Variants in SNTG1 observed in about 807,000 individuals in gnomAD.
SNTG1 encodes syntrophin gamma 1, also known as gamma-1-syntrophin.
In SNTG1, 39 loss-of-function variants were observed where a neutral mutation model predicts 74.7. The ratio of observed to expected loss-of-function variants is 0.52; its 90% confidence interval spans 0.40 to 0.68. The LOEUF is 0.68. Among genes scored for constraint, SNTG1 ranks in the 30% least tolerant of loss-of-function variants. SNTG1 has a pLI of 0.00. For synonymous variants in SNTG1, 254 were observed against 217.1 expected, an observed-to-expected ratio of 1.17 and a Z score of -1.49; for missense variants, 685 against 609.5, an observed-to-expected ratio of 1.12 and a Z score of -1.30.
intron 2 of SNTG1, among the ~76,000 whole-genome samples, chr8:50,368,703 G>C (rs1243144500): frequency 6.6e-6 from 1 of 152,066 alleles, no homozygotes; most frequent in African/African-American, 2.4e-5. Flanking sequence ...AGAATCCATA[G>C]AGCTGTTAAC....
intron 1 of SNTG1, among the ~76,000 whole-genome samples, chr8:49,957,485 G>C (rs1265125287): frequency 6.6e-6 from 1 of 152,162 alleles, no homozygotes; most frequent in African/African-American, 2.4e-5. Flanking sequence ...CCTCATGTAG[G>C]GGGGTAAGTG....
chr8:49,919,950 G>A (rs146512895), intron 1 of SNTG1, among the ~76,000 whole-genome samples: 44 of 152,118 alleles, frequency 2.9e-4, no homozygotes, highest in African/African-American at 9.6e-4. Context: ...ATACAATAGC[G>A]CACACTTAGA....
At chr8:50,694,224 C>T (rs1290445119) in intron 15 of SNTG1, among the ~76,000 whole-genome samples, 1 of 150,516 alleles carries the variant, frequency 6.6e-6, no homozygotes, top group Non-Finnish European at 1.5e-5. Flanking sequence ...ATAAGAGACT[C>T]AAATAAATAA....
chr8:50,602,366 A>G (rs2094781378), intron 13 of SNTG1, among the ~76,000 whole-genome samples: 1 of 152,164 alleles, frequency 6.6e-6, no homozygotes, highest in Non-Finnish European at 1.5e-5. Flanking sequence ...CAACTTAAAA[A>G]TTGTTGCATA....
At chr8:50,540,573 G>C (rs1385313258) in intron 11 of SNTG1, among the ~76,000 whole-genome samples, 1 of 152,014 alleles carries the variant, frequency 6.6e-6, no homozygotes, top group African/African-American at 2.4e-5. Context: ...TATTGTATTA[G>C]GTTTTACATA....
chr8:50,272,839 C>A (rs557054025), intron 2 of SNTG1, among the ~76,000 whole-genome samples: 1 of 151,272 alleles, frequency 6.6e-6, no homozygotes, highest in African/African-American at 2.4e-5. Context: ...TGGGATTAAG[C>A]AATCCTCCTG....
chr8:50,132,642 A>C (rs1468559367), intron 1 of SNTG1, among the ~76,000 whole-genome samples: 2 of 152,162 alleles, frequency 1.3e-5, no homozygotes, highest in Admixed American at 6.6e-5. Flanking sequence ...CTGTGGCAAA[A>C]GTCCTCACTC....
At chr8:49,992,158 TAGAA>T (rs1228555694) in intron 1 of SNTG1, among the ~76,000 whole-genome samples, 1 of 152,188 alleles carries the variant, frequency 6.6e-6, no homozygotes, top group African/African-American at 2.4e-5. Flanking sequence ...GATTTGTAAA[TAGAA>T]AGAGACTTTC....
At chr8:50,196,269 A>G (rs1225664411) in intron 2 of SNTG1, among the ~76,000 whole-genome samples, 1 of 152,162 alleles carries the variant, frequency 6.6e-6, no homozygotes. Context: ...CTGATTTGCC[A>G]TTTTATGGCT....
intron 2 of SNTG1, among the ~76,000 whole-genome samples, chr8:50,297,047 A>T (rs531241604): frequency 6.6e-6 from 1 of 152,288 alleles, no homozygotes; most frequent in Admixed American, 6.5e-5. Context: ...ATTAGAATAC[A>T]TGGCAGTGCC....
chr8:50,513,818 C>T (rs2094108052), intron 9 of SNTG1, among the ~76,000 whole-genome samples: 1 of 152,206 alleles, frequency 6.6e-6, no homozygotes, highest in African/African-American at 2.4e-5. Flanking sequence ...TCTGTCACCC[C>T]TTTCTTTGAC....
At chr8:50,147,461 T>C (rs1464191697) in intron 1 of SNTG1, among the ~76,000 whole-genome samples, 6 of 152,192 alleles carry the variant, frequency 3.9e-5, no homozygotes, top group Admixed American at 1.3e-4. Context: ...ACTTGTTTTT[T>C]ACAGAAATGG....
intron 13 of SNTG1, among the ~76,000 whole-genome samples, chr8:50,596,671 T>C (rs1209975826): frequency 1.3e-5 from 2 of 152,050 alleles, no homozygotes; most frequent in East Asian, 3.9e-4. Flanking sequence ...TACAAAACCG[T>C]CTTGAATACT....
At chr8:50,290,402 G>T (rs2089028469) in intron 2 of SNTG1, among the ~76,000 whole-genome samples, 2 of 152,124 alleles carry the variant, frequency 1.3e-5, no homozygotes, top group South Asian at 4.1e-4. Flanking sequence ...TTAATCTCAA[G>T]AATCGTAGGG....
intron 2 of SNTG1, among the ~76,000 whole-genome samples, chr8:50,371,227 C>T (rs372192538): frequency 2.0e-5 from 3 of 152,128 alleles, no homozygotes; most frequent in Admixed American, 6.5e-5. Context: ...TATTATGTGG[C>T]GTGAGCTGCC....
chr8:50,072,411 G>A (rs1821450199), intron 1 of SNTG1, among the ~76,000 whole-genome samples: 2 of 152,084 alleles, frequency 1.3e-5, no homozygotes, highest in South Asian at 4.1e-4. Flanking sequence ...TCTTTAGGAG[G>A]AAGACACTAA....
intron 8 of SNTG1, among the ~76,000 whole-genome samples, chr8:50,455,901 T>C (rs1052326749): frequency 1.3e-5 from 2 of 152,184 alleles, no homozygotes; most frequent in East Asian, 1.9e-4. Context: ...AAGTGATTAA[T>C]ACTGCCTTAA....
chr8:50,144,872 C>T (rs918689260), intron 1 of SNTG1, among the ~76,000 whole-genome samples: 1 of 152,124 alleles, frequency 6.6e-6, no homozygotes, highest in Non-Finnish European at 1.5e-5. Context: ...GTTTGAGACA[C>T]TTATGAAAAC....
chr8:50,059,756 G>T (rs1432831863), intron 1 of SNTG1, among the ~76,000 whole-genome samples: 1 of 152,026 alleles, frequency 6.6e-6, no homozygotes, highest in East Asian at 1.9e-4. Flanking sequence ...TGGACAATTG[G>T]ATTAACTATA....
Sources: gnomAD v4.1 joint callset for allele counts (sites outside exome capture counted in the v4.1 genomes callset) on GRCh38, gnomAD v4.1.1 for gene constraint, MANE v1.5 for transcripts, NCBI Gene and HGNC (gene_info 2026-07-23, HGNC 2026-07-21) for gene names.